Variants in NEBL observed in about 807,000 individuals in gnomAD.
NEBL encodes LIM and SH3 protein 2.
A neutral mutation model predicts 140.2 loss-of-function variants in NEBL; 122 were observed. The observed-to-expected ratio is 0.87, with a 90% CI of 0.75 to 1.01. The LOEUF (loss-of-function observed/expected upper bound fraction) is 1.01, where lower values mean the gene tolerates loss of function less well. Among genes scored for constraint, NEBL ranks in the 50% least tolerant of loss-of-function variants. The pLI, the probability that NEBL is intolerant of heterozygous loss-of-function variation, is 0.00. For missense variants in NEBL, 1,365 were observed against 1,231.3 expected (o/e 1.11, Z -1.62); for synonymous variants, 436 against 398.9 (o/e 1.09, Z -1.11).
intron 19 of NEBL, among the ~76,000 whole-genome samples, chr10:20,820,353 A>C (rs937614385): frequency 3.3e-5 from 5 of 152,226 alleles, no homozygotes; most frequent in African/African-American, 1.2e-4. Context: ...AATGAGCATC[A>C]ATAGAGAAAA....
chr10:21,260,391 C>G (rs1564551407), intron 1 of NEBL, among the ~76,000 whole-genome samples: 1 of 152,198 alleles, frequency 6.6e-6, no homozygotes, highest in Non-Finnish European at 1.5e-5. Context: ...TGATGGGCTT[C>G]TTTATTCTAT....
chr10:21,077,201 C>G (rs528251564), intron 2 of NEBL, among the ~76,000 whole-genome samples: 86 of 151,974 alleles, frequency 5.7e-4, no homozygotes, highest in African/African-American at 1.5e-3. Context: ...ACTTAAAACT[C>G]ATGCTTAATC....
chr10:20,836,639 C>T (rs915079969), intron 13 of NEBL, among the ~76,000 whole-genome samples: 8 of 152,184 alleles, frequency 5.3e-5, no homozygotes, highest in Non-Finnish European at 1.0e-4. Flanking sequence ...CACAGAAGTT[C>T]CGGCAGTTTG....
At chr10:20,849,119 T>G (rs1842245257) in intron 11 of NEBL, among the ~76,000 whole-genome samples, 1 of 152,076 alleles carries the variant, frequency 6.6e-6, no homozygotes, top group Non-Finnish European at 1.5e-5. Flanking sequence ...TTCTATCCCT[T>G]TGCATTAAGA....
At chr10:21,205,411 T>C (rs772202463) in intron 3 of NEBL, among the ~76,000 whole-genome samples, 2 of 152,198 alleles carry the variant, frequency 1.3e-5, no homozygotes, top group Non-Finnish European at 2.9e-5. Context: ...AGAAATCAAA[T>C]GTCCAAAATC....
intron 3 of NEBL, among the ~76,000 whole-genome samples, chr10:20,995,888 T>C (rs1837646383): frequency 6.6e-6 from 1 of 151,374 alleles, no homozygotes; most frequent in Non-Finnish European, 1.5e-5. Context: ...CCCACCAACT[T>C]ACCCTTTGTG....
intron 1 of NEBL, among the ~76,000 whole-genome samples, chr10:21,265,786 A>G (rs1588579447): frequency 6.6e-6 from 1 of 152,186 alleles, no homozygotes; most frequent in Non-Finnish European, 1.5e-5. Flanking sequence ...ACTCAACTCT[A>G]CCACTGGAAT....
In NEBL at chr10:20,889,937, C is replaced by T. The variant is rs1237269220; in HGVS notation, c.166G>A (p.Glu56Lys). Reference protein sequence around the residue: ...TELISDIRYKEEFKKSKDKCT... With the variant: ...TELISDIRYKKEFKKSKDKCT... ...TTATCCTTGGACTTTTTAAACTCTT[C>T]TTTATAACGGATCTAAAAAAGAGAA... Residue 56 changes from glutamate (E) to lysine (K), a missense_variant, in exon 3 of 28, where the codon GAA becomes AAA. Physicochemically the swap from Glu to Lys is moderately conservative, Grantham distance 56 (BLOSUM62 1). Transcript: ENST00000377122. 6 of 1,593,190 alleles carry T rather than the reference C, an allele frequency of 3.8e-6. No homozygotes were observed. The Admixed American group carries it at 1.0e-4, about 27-fold the overall frequency.
intron 2 of NEBL, among the ~76,000 whole-genome samples, chr10:21,034,691 C>T (rs748719824): frequency 5.3e-5 from 8 of 152,154 alleles, no homozygotes; most frequent in Non-Finnish European, 7.3e-5. Context: ...AACTGTCTAA[C>T]GCACTTCAAT....
chr10:20,891,053 G>A (rs909228526), intron 2 of NEBL, among the ~76,000 whole-genome samples: 48 of 152,152 alleles, frequency 3.2e-4, no homozygotes, highest in Admixed American at 3.9e-4. Flanking sequence ...GGTTCTTAGA[G>A]GATGTGAATA....
At chr10:21,117,404 G>A (rs1838334692) in intron 2 of NEBL, among the ~76,000 whole-genome samples, 1 of 152,058 alleles carries the variant, frequency 6.6e-6, no homozygotes, top group East Asian at 1.9e-4. Flanking sequence ...TTCTAACCAA[G>A]ATCTGGCCCT....
chr10:20,868,551 A>G, intron 7 of NEBL, 113 bp downstream of exon 7: 3 of 842,254 alleles, frequency 3.6e-6, no homozygotes, highest in Non-Finnish European at 6.2e-6. Context: ...CAGAAACATT[A>G]TCTCTGTTTA....
intron 26 of NEBL, chr10:20,793,468 G>A: frequency 2.8e-6 from 1 of 352,226 alleles, no homozygotes; most frequent in African/African-American, 2.2e-5. Context: ...ATGACGTTCA[G>A]GTCCCCCACA....
chr10:20,866,674 A>T (rs917970895), intron 7 of NEBL, among the ~76,000 whole-genome samples: 1 of 152,098 alleles, frequency 6.6e-6, no homozygotes, highest in African/African-American at 2.4e-5. Context: ...AATTAGCTAA[A>T]ATCTACCTCC....
intron 3 of NEBL, among the ~76,000 whole-genome samples, chr10:21,240,611 A>G (rs557488232): frequency 1.3e-5 from 2 of 152,262 alleles, no homozygotes; most frequent in Admixed American, 6.5e-5. Flanking sequence ...AGAGCTACAC[A>G]TTGTCACACA....
chr10:21,030,183 A>T, intron 2 of NEBL: 1 of 490,148 alleles, frequency 2.0e-6, no homozygotes, highest in Admixed American at 2.8e-5. Flanking sequence ...CATCAGCTGG[A>T]TGAGGCAAAA....
chr10:21,225,089 A>G lies in NEBL; in HGVS notation n.348+22832T>C, dbSNP rs537092793. ...ATCCTTGTCATGTTCCAGATCTTAG[A>G]GGAAAAGCTTTCAGTTTTTCCCCAT... On this transcript the variant is annotated intron_variant and non_coding_transcript_variant, in intron 3 of 8. Transcript: ENST00000675702. Among the ~76,000 whole-genome samples the G allele has an allele frequency of 3.9e-5, 6 of 152,276 alleles. No individual in the cohort carries two copies. The East Asian group carries it at 1.2e-3, about 29-fold the overall frequency.
Position 21,136,862 on chromosome 10 carries a change from C to G in NEBL, c.164+35521G>C, listed in dbSNP as rs77168119. Among the ~76,000 whole-genome samples, 339 of 152,328 alleles carry G rather than the reference C, an allele frequency of 2.2e-3. 14 individuals are homozygous for G. In the East Asian group the frequency reaches 0.058, roughly 26 times the overall value. On this transcript the variant is annotated intron_variant, in intron 2 of 6. Transcript: ENST00000417816. ...AAAATGACTGACATAACTTCTTACT[C>G]GTCTCTGGATGGAGGAGTTGCTTAT... is the stretch of plus-strand genomic sequence containing the variant.
Position 21,230,597 on chromosome 10 carries a change from T to C in NEBL, n.348+17324A>G, listed in dbSNP as rs1842233399. Among the ~76,000 whole-genome samples, 4 of 150,310 alleles carry C rather than the reference T, an allele frequency of 2.7e-5. No homozygotes were observed. In the South Asian group the frequency reaches 8.5e-4, roughly 32 times the overall value. On this transcript the variant is annotated intron_variant and non_coding_transcript_variant, in intron 3 of 8. Coordinates refer to the NEBL transcript ENST00000675702. ...TTTAAGCTTAAGATCATCTGCAAAC[T>C]GGAAACCTTTTTTTTTTTTTTTTTT...
Sources: gnomAD v4.1 joint callset for allele counts (sites outside exome capture counted in the v4.1 genomes callset) on GRCh38, gnomAD v4.1.1 for gene constraint, MANE v1.5 for transcripts, NCBI Gene and HGNC (gene_info 2026-07-23, HGNC 2026-07-21) for gene names.